CADM2: variants seen among roughly 807,000 people sequenced by gnomAD.
The protein encoded by CADM2 is cell adhesion molecule 2, also known as immunoglobulin superfamily member 4D.
CADM2 carries 12 observed loss-of-function variants against 49.8 expected under a neutral mutation model. The observed-to-expected ratio is 0.24, with a 90% CI of 0.15 to 0.39. CADM2 has a LOEUF of 0.39. Ranked by LOEUF, CADM2 falls within the 10% of genes least tolerant of loss-of-function variation. The pLI, the probability that CADM2 is intolerant of heterozygous loss-of-function variation, is 1.00. For missense variants in CADM2, 378 were observed against 492.3 expected, an observed-to-expected ratio of 0.77 and a Z score of 2.20; for synonymous variants, 214 against 175.4, an observed-to-expected ratio of 1.22 and a Z score of -1.74.
At chr3:85,970,136 G>A (rs1725944726) in intron 8 of CADM2, among the ~76,000 whole-genome samples, 1 of 150,134 alleles carries the variant, frequency 6.7e-6, no homozygotes, top group African/African-American at 2.4e-5. Context: ...AGCAACCCAG[G>A]TGAAATGTGC....
At chr3:85,855,055 C>T (rs555737884) in intron 3 of CADM2, among the ~76,000 whole-genome samples, 1 of 152,116 alleles carries the variant, frequency 6.6e-6, no homozygotes, top group Non-Finnish European at 1.5e-5. Flanking sequence ...TCCATGACAC[C>T]CCAAGAGATT....
At chr3:85,922,727 C>T (rs1045619515) in intron 6 of CADM2, among the ~76,000 whole-genome samples, 4 of 151,980 alleles carry the variant, frequency 2.6e-5, no homozygotes, top group Admixed American at 2.0e-4. Flanking sequence ...CATAGTTTTA[C>T]CCAGAAGAAT....
At chr3:85,483,826 G>A (rs891774590) in intron 1 of CADM2, among the ~76,000 whole-genome samples, 105 of 151,062 alleles carry the variant, frequency 7.0e-4, no homozygotes, top group Non-Finnish European at 5.2e-4. Context: ...ACTTTTAAAG[G>A]TCTTCTTGAA....
chr3:85,876,950 C>T (rs768541085), intron 3 of CADM2, among the ~76,000 whole-genome samples: 8 of 152,076 alleles, frequency 5.3e-5, no homozygotes, highest in Non-Finnish European at 1.2e-4. Flanking sequence ...CCAAAATACA[C>T]GTTTGTATGA....
intron 8 of CADM2, among the ~76,000 whole-genome samples, chr3:86,064,184 T>C: frequency 6.6e-6 from 1 of 152,100 alleles, no homozygotes; most frequent in East Asian, 1.9e-4. Flanking sequence ...TAGGTATATC[T>C]CCTAATGCTA....
chr3:85,213,077 T>G (rs1000498319), intron 1 of CADM2, among the ~76,000 whole-genome samples: 2 of 151,902 alleles, frequency 1.3e-5, no homozygotes, highest in Non-Finnish European at 2.9e-5. Context: ...GAGACGGGGT[T>G]TCACCATGTT....
chr3:85,802,253 T>G, intron 3 of CADM2, 57 bp downstream of exon 3: 1 of 1,443,174 alleles, frequency 6.9e-7, no homozygotes. Flanking sequence ...CTAATTACAA[T>G]AAATTTATTT....
intron 2 of CADM2, among the ~76,000 whole-genome samples, chr3:85,752,186 A>C (rs906867929): frequency 1.5e-4 from 23 of 152,152 alleles, no homozygotes; most frequent in Non-Finnish European, 7.4e-5. Flanking sequence ...AGAATAGTGT[A>C]GAGAGAGCCA....
chr3:85,204,930 TATTATGTAA>T (rs2041595400), intron 1 of CADM2, among the ~76,000 whole-genome samples: 1 of 151,928 alleles, frequency 6.6e-6, no homozygotes, highest in Non-Finnish European at 1.5e-5. Flanking sequence ...TTTCCTAAAT[TATTATGTAA>T]TTAATAATGA....
chr3:85,363,690 C>T (rs901390663), intron 1 of CADM2, among the ~76,000 whole-genome samples: 1 of 152,202 alleles, frequency 6.6e-6, no homozygotes, highest in Non-Finnish European at 1.5e-5. Context: ...TGGCTCACTG[C>T]AAGCTCCGCC....
chr3:85,207,746 C>G (rs1283868521), intron 1 of CADM2, among the ~76,000 whole-genome samples: 1 of 152,164 alleles, frequency 6.6e-6, no homozygotes, highest in Non-Finnish European at 1.5e-5. Flanking sequence ...AGAAAACCAA[C>G]TGGCATACTT....
chr3:85,783,723 A>G (rs2070797751), intron 2 of CADM2, among the ~76,000 whole-genome samples: 1 of 152,202 alleles, frequency 6.6e-6, no homozygotes, highest in African/African-American at 2.4e-5. Flanking sequence ...TGAAATTCAA[A>G]CTGTAACAAA....
At chr3:85,220,166 T>TTTG (rs958547015) in intron 1 of CADM2, among the ~76,000 whole-genome samples, 20 of 151,920 alleles carry the variant, frequency 1.3e-4, no homozygotes, top group Non-Finnish European at 1.0e-4. Flanking sequence ...ATACTAGATT[T>TTTG]TTGTTGTTGT....
At chr3:85,319,249 C>G (rs956576559) in intron 1 of CADM2, among the ~76,000 whole-genome samples, 7 of 152,044 alleles carry the variant, frequency 4.6e-5, no homozygotes, top group Non-Finnish European at 8.8e-5. Flanking sequence ...CAATGAAATA[C>G]CATCTCAACA....
intron 1 of CADM2, among the ~76,000 whole-genome samples, chr3:85,034,314 G>T (rs1006344670): frequency 6.6e-6 from 1 of 151,702 alleles, no homozygotes; most frequent in African/African-American, 2.4e-5. Context: ...AATGAGTTCA[G>T]TTGTTTTCAT....
chr3:85,167,350 ACTG>A (rs2040498366), intron 1 of CADM2, among the ~76,000 whole-genome samples: 1 of 152,086 alleles, frequency 6.6e-6, no homozygotes, highest in South Asian at 2.1e-4. Flanking sequence ...TTATATTTGT[ACTG>A]CTTTTTATAT....
At chr3:85,075,016 T>C (rs1260118116) in intron 1 of CADM2, among the ~76,000 whole-genome samples, 1 of 151,760 alleles carries the variant, frequency 6.6e-6, no homozygotes, top group Non-Finnish European at 1.5e-5. Context: ...GCTGTACATA[T>C]TTGCAAGGTT....
intron 1 of CADM2, among the ~76,000 whole-genome samples, chr3:85,009,613 C>T (rs2033891334): frequency 1.3e-5 from 2 of 152,060 alleles, no homozygotes; most frequent in Non-Finnish European, 2.9e-5. Context: ...CCCCTGTAAT[C>T]CTAGCACTTT....
chr3:85,171,592 T>C (rs1297885509), intron 1 of CADM2, among the ~76,000 whole-genome samples: 1 of 152,222 alleles, frequency 6.6e-6, no homozygotes, highest in Non-Finnish European at 1.5e-5. Context: ...CTCACTGGCT[T>C]ACTGAGGCAT....
Sources: gnomAD v4.1 joint callset for allele counts (sites outside exome capture counted in the v4.1 genomes callset) on GRCh38, gnomAD v4.1.1 for gene constraint, MANE v1.5 for transcripts, NCBI Gene and HGNC (gene_info 2026-07-23, HGNC 2026-07-21) for gene names.